NIPBL: variants seen among roughly 807,000 people sequenced by gnomAD.
NIPBL encodes nipped-B-like protein.
In NIPBL, 19 loss-of-function variants were observed where a neutral mutation model predicts 321.8. The ratio of observed to expected loss-of-function variants is 0.06; its 90% CI spans 0.04 to 0.09. The LOEUF is 0.09. Among genes scored for constraint, NIPBL ranks in the 10% least tolerant of loss-of-function variants. The pLI is 1.00. For missense variants in NIPBL, 2,210 were observed against 3,327.0 expected (o/e 0.66, Z 8.26); for synonymous variants, 1,106 against 1,114.1 (o/e 0.99, Z 0.14).
chr5:36,972,280 A>G (rs999382372), intron 8 of NIPBL, among the ~76,000 whole-genome samples: 7 of 152,128 alleles, frequency 4.6e-5, no homozygotes, highest in Non-Finnish European at 8.8e-5. Context: ...TACATCCAGT[A>G]TCCATTCTCT....
At chr5:36,991,492 C>T (rs1006862080) in intron 10 of NIPBL, among the ~76,000 whole-genome samples, 1 of 151,590 alleles carries the variant, frequency 6.6e-6, no homozygotes, top group South Asian at 2.1e-4. Flanking sequence ...ATTACTGCCA[C>T]AATTTATTTT....
chr5:37,000,453 A>G lies in NIPBL; in HGVS notation c.3385A>G (p.Arg1129Gly), dbSNP rs1330518023. ...TGACAGAAGAAGCTCTGGGGATCATAGGAGAAGTGGCCACTCTCATGAAGG... is the reference window on the plus strand; with the variant it reads ...TGACAGAAGAAGCTCTGGGGATCATGGGAGAAGTGGCCACTCTCATGAAGG... ...ERDRRSSGDH[R>G]RSGHSHEGRR... is the part of the protein sequence containing the mutation. Residue 1129 changes from arginine to glycine, a missense_variant, in exon 12 of 47, where the codon AGG (arginine) becomes GGG (glycine). By Grantham distance (125) the Arg-to-Gly change is moderately radical. This residue lies in a region of NIPBL where 381 missense variants were observed against 642.3 expected (regional missense o/e 0.59). Coordinates refer to ENST00000282516, the MANE Select transcript of NIPBL (RefSeq NM_133433.4). The G allele has an allele frequency of 6.2e-7, 1 of 1,613,488 alleles. No individual in the cohort carries two copies. The highest frequency in any genetic ancestry group is 8.5e-7 in the Non-Finnish European group (1 of 1,179,580).
intron 3 of NIPBL, among the ~76,000 whole-genome samples, chr5:36,957,320 T>G (rs1327600091): frequency 1.3e-5 from 2 of 152,144 alleles, no homozygotes; most frequent in Non-Finnish European, 2.9e-5. Context: ...GATGGAAAAA[T>G]TACATAACCT....
intron 27 of NIPBL, among the ~76,000 whole-genome samples, chr5:37,021,783 G>T (rs1749675386): frequency 6.6e-6 from 1 of 152,128 alleles, no homozygotes; most frequent in Non-Finnish European, 1.5e-5. Context: ...GTTTTAATGG[G>T]GCTACAGGTT....
chr5:37,063,682 C>T (rs779467965), intron 45 of NIPBL, 108 bp from the exon 46 acceptor site: 13 of 1,058,880 alleles, frequency 1.2e-5, no homozygotes, highest in Middle Eastern at 2.9e-4. Context: ...TGATGGCTAA[C>T]GTCTGTTTCA....
At chr5:36,881,534 T>G (rs1380370960) in intron 1 of NIPBL, among the ~76,000 whole-genome samples, 3 of 151,984 alleles carry the variant, frequency 2.0e-5, no homozygotes. Context: ...AATAATTATC[T>G]ACAATGTACA....
chr5:37,051,714 G>T, intron 40 of NIPBL, 65 bp from the exon 41 acceptor site: 2 of 1,084,888 alleles, frequency 1.8e-6, no homozygotes, highest in South Asian at 2.6e-5. Flanking sequence ...GAAAAGTTTT[G>T]ACATATGTCT....
chr5:36,976,240 G>A lies in NIPBL; in HGVS notation c.1333G>A (p.Ala445Thr), dbSNP rs1375737163. 2 of 1,613,654 alleles carry A rather than the reference G, an allele frequency of 1.2e-6. No individual in the cohort carries two copies. The highest frequency in any genetic ancestry group is 1.1e-5 in the South Asian group (1 of 91,042). Residue 445 changes from alanine to threonine, a missense_variant, in exon 9 of 47, where the codon GCA becomes ACA. Physicochemically the swap from Ala to Thr is moderately conservative, Grantham distance 58 (BLOSUM62 0). Coordinates refer to ENST00000282516, the MANE Select transcript of NIPBL (RefSeq NM_133433.4). ...TTTACAACAGAACACTTCAGTTGCTGCAAAACAACCCCAGACTTCTGTGGT... is the reference window on the plus strand; with the variant it reads ...TTTACAACAGAACACTTCAGTTGCTACAAAACAACCCCAGACTTCTGTGGT... ...PVLQQNTSVA[A>T]KQPQTSVVQN...
At chr5:37,022,481 ATGTACC>A (rs1749758991) in intron 29 of NIPBL, 91 bp downstream of exon 29, 1 of 1,100,524 alleles carries the variant, frequency 9.1e-7, no homozygotes, top group East Asian at 2.6e-5. Context: ...AGAAAAATAA[ATGTACC>A]AATTATATAT....
At chr5:37,064,480 TC>T (rs1755190265) in intron 46 of NIPBL, 46 bp from the exon 47 acceptor site, 1 of 1,603,850 alleles carries the variant, frequency 6.2e-7, no homozygotes, top group Non-Finnish European at 8.5e-7. Context: ...TCACTAAAAT[TC>T]TTTTGTGTAA....
chr5:37,015,965 A>G (rs555077276), intron 22 of NIPBL, 73 bp from the exon 23 acceptor site: 142 of 1,483,162 alleles, frequency 9.6e-5, no homozygotes, highest in South Asian at 7.2e-4. Context: ...AACAATTTCA[A>G]TCATGTTGGT....
chr5:37,060,310 C>T (rs1754533054), intron 44 of NIPBL, among the ~76,000 whole-genome samples: 1 of 152,164 alleles, frequency 6.6e-6, no homozygotes, highest in African/African-American at 2.4e-5. Flanking sequence ...AGATGCATGC[C>T]ACCACACCCA....
chr5:36,918,289 G>A (rs1046244013), intron 1 of NIPBL, among the ~76,000 whole-genome samples: 2 of 152,096 alleles, frequency 1.3e-5, no homozygotes, highest in African/African-American at 4.8e-5. Flanking sequence ...TGAAGCAACT[G>A]TGAGTGGGAG....
chr5:37,045,382 T>C lies in NIPBL; in HGVS notation c.6344-61T>C, dbSNP rs1309978715. 7.7e-6 allele frequency: 10 copies of C among 1,300,810 alleles called. No homozygotes were observed. In the African/African-American group the frequency reaches 1.5e-4, roughly 20 times the overall value. 80.6% of individuals were successfully genotyped at this position (1,300,810 alleles called of 1,614,324 possible). On this transcript the variant is annotated intron_variant, in intron 36 of 46. Transcript: ENST00000282516. ...AAAAATTGTAATTCATTAGTAGTAA[T>C]TACTTGAACTTAGTAATTCAAAGAT... is the stretch of plus-strand genomic sequence containing the variant.
rs768964587 is a variant in NIPBL, at chr5:36,985,066, G to T, written c.1886G>T (p.Arg629Leu). ...GCAGAATCTAAACCAAATGAAAACC[G>T]ATTGGTGGAGACAAAATCAAGTGAA... is the stretch of plus-strand genomic sequence containing the variant. ...RLAESKPNEN[R>L]LVETKSSENK... The change falls in exon 10 of 47, where the codon CGA becomes CTA. Residue 629 changes from arginine (R) to leucine (L), a missense_variant. By Grantham distance (102) the Arg-to-Leu change is moderately radical. Transcript: ENST00000282516. 3 of 1,613,814 alleles carry T rather than the reference G, an allele frequency of 1.9e-6. No individual in the cohort carries two copies. Among genetic ancestry groups the T allele is most frequent in the South Asian group, 1.1e-5 (1 of 91,062 alleles).
chr5:37,049,943 G>A (rs570251942), intron 40 of NIPBL, among the ~76,000 whole-genome samples: 3 of 152,164 alleles, frequency 2.0e-5, no homozygotes, highest in South Asian at 2.1e-4. Flanking sequence ...TTCATGGAAC[G>A]TTTTAAAAAT....
chr5:37,036,775 A>G (rs1444350230), intron 33 of NIPBL, among the ~76,000 whole-genome samples: 1 of 151,840 alleles, frequency 6.6e-6, no homozygotes, highest in Non-Finnish European at 1.5e-5. Flanking sequence ...GAATAGGAGT[A>G]AAAATCCAGG....
At chr5:36,981,274 G>C (rs1180659018) in intron 9 of NIPBL, among the ~76,000 whole-genome samples, 1 of 151,522 alleles carries the variant, frequency 6.6e-6, no homozygotes. Flanking sequence ...CAAAAACACT[G>C]TACCTTATAA....
intron 14 of NIPBL, 27 bp downstream of exon 14, chr5:37,001,105 A>G (rs1746744921): frequency 7.0e-7 from 1 of 1,423,502 alleles, no homozygotes; most frequent in Admixed American, 1.7e-5. Flanking sequence ...ATACATTTAC[A>G]CATACTCTAA....
Sources: allele counts gnomAD v4.1 joint callset (sites outside exome capture counted in the v4.1 genomes callset), GRCh38; gene constraint gnomAD v4.1.1; regional missense constraint gnomAD v4.1.1; transcripts MANE v1.5; gene names NCBI Gene and HGNC (gene_info 2026-07-23, HGNC 2026-07-21).